The following BPIFB4 variants were observed in gnomAD, a reference collection of about 807,000 sequenced individuals.
The protein encoded by BPIFB4 is BPI fold-containing family B member 4.
A neutral mutation model predicts 69.2 loss-of-function variants in BPIFB4; 62 were observed. The observed-to-expected ratio is 0.90, with a 90% confidence interval of 0.73 to 1.11. BPIFB4 has a LOEUF of 1.11. Ranked by LOEUF, BPIFB4 falls within the 50% of genes least tolerant of loss-of-function variation. The probability of loss-of-function intolerance (pLI) is 0.00; values close to 1 mark genes in which losing one functional copy is unlikely to be tolerated. For synonymous variants in BPIFB4, 330 were observed against 332.7 expected (o/e 0.99, Z 0.09); for missense variants, 789 against 792.0 (o/e 1.00, Z 0.04).
At chr20:33,095,264 A>G in intron 12 of BPIFB4, 111 bp downstream of exon 12, 1 of 1,191,748 alleles carries the variant, frequency 8.4e-7, no homozygotes, top group Non-Finnish European at 1.2e-6. Flanking sequence ...TCTCCCCCGA[A>G]CCCCTGCTTG....
At chr20:33,107,435 CAAACAAAACAAACAAACAAA>C (rs551586534) in intron 16 of BPIFB4, among the ~76,000 whole-genome samples, 9 of 151,856 alleles carry the variant, frequency 5.9e-5, no homozygotes, top group East Asian at 1.9e-4. Context: ...TTTACTAAAA[CAAACAAAACAAACAAACAAA>C]AAACAAAACA....
At chr20:33,101,630 T>G (rs951832019) in intron 14 of BPIFB4, among the ~76,000 whole-genome samples, 2 of 152,190 alleles carry the variant, frequency 1.3e-5, no homozygotes, top group Non-Finnish European at 2.9e-5. Context: ...ACTGCAGCCT[T>G]GACCTCCCCA....
At position 33,083,650 on chromosome 20, in the gene BPIFB4, G is replaced by A; in HGVS notation, c.453G>A (p.Glu151=). The A allele has an allele frequency of 6.2e-7, 1 of 1,614,130 alleles. No individual in the cohort carries two copies. The highest frequency in any genetic ancestry group is 8.5e-7 in the Non-Finnish European group (1 of 1,180,014). Residue 151 remains glutamate, a synonymous_variant, in exon 5 of 18, where the codon GAG becomes GAA. Coordinates refer to ENST00000375483, the MANE Select transcript of BPIFB4 (RefSeq NM_182519.3). ...CTGTGGGCAGGCTTCACCGGCGAGA[G>A]CTGCAGCCTGGAGAAATCCCACCTG... ...AAPVGRLHRR[E]LQPGEIPPGV...
chr20:33,100,329 C>T (rs539848041), intron 13 of BPIFB4, 97 bp from the exon 14 acceptor site: 22 of 1,050,462 alleles, frequency 2.1e-5, no homozygotes, highest in African/African-American at 1.3e-4. Context: ...TCAGGGTTAA[C>T]GAAGCCCTAG....
chr20:33,103,177 T>G (rs1981953797), intron 15 of BPIFB4, among the ~76,000 whole-genome samples, 163 bp downstream of exon 15: 1 of 152,166 alleles, frequency 6.6e-6, no homozygotes, highest in Admixed American at 6.5e-5. Context: ...GATGGACAGA[T>G]GTAGAAACTG....
rs762151160 is a variant in BPIFB4 at position 33,086,127 on chromosome 20, A to T, written c.889A>T (p.Thr297Ser). Residue 297 changes from threonine (T) to serine (S), a missense_variant, in exon 7 of 18, where the codon ACC becomes TCC. Thr to Ser is a moderately conservative substitution (Grantham distance 58). Around this residue, in one of 3 missense-constraint regions of BPIFB4, gnomAD observed 611 missense variants for 575.4 expected, o/e 1.06. Coordinates refer to ENST00000375483, the MANE Select transcript of BPIFB4 (RefSeq NM_182519.3). ...YPRLVIERCD[T>S]LLGGIKVKLL... ...TCGGCTGGTCATTGAGCGATGTGAC[A>T]CCCTCCTAGGGGGCATCAAAGTCAA... 6.2e-7 allele frequency: 1 copy of T among 1,612,942 alleles called. No individual in the cohort carries two copies. Among genetic ancestry groups the T allele is most frequent in the Admixed American group, 1.7e-5 (1 of 59,984 alleles).
chr20:33,080,884 G>C (rs1004369012), intron 2 of BPIFB4, among the ~76,000 whole-genome samples: 1 of 152,168 alleles, frequency 6.6e-6, no homozygotes, highest in East Asian at 1.9e-4. Flanking sequence ...AAGATGGATG[G>C]ATGGTGGGAT....
At chr20:33,106,667 A>G (rs1982066087) in intron 16 of BPIFB4, among the ~76,000 whole-genome samples, 1 of 152,092 alleles carries the variant, frequency 6.6e-6, no homozygotes. Flanking sequence ...GGGAACTCAC[A>G]ATGTGGTGGG....
intron 9 of BPIFB4, 114 bp from the exon 10 acceptor site, chr20:33,090,594 G>C (rs1490253876): frequency 6.6e-7 from 1 of 1,503,910 alleles, no homozygotes; most frequent in East Asian, 2.3e-5. Context: ...TCTTTTCATG[G>C]TGTCTGGAGC....
intron 6 of BPIFB4, among the ~76,000 whole-genome samples, chr20:33,085,501 G>A (rs1005467383): frequency 2.0e-5 from 3 of 152,190 alleles, no homozygotes; most frequent in African/African-American, 7.2e-5. Flanking sequence ...TCAGGTGACA[G>A]CTTGGGTTCA....
chr20:33,081,449 G>A, intron 2 of BPIFB4, 63 bp from the exon 3 acceptor site: 1 of 1,532,752 alleles, frequency 6.5e-7, no homozygotes, highest in Non-Finnish European at 8.8e-7. Context: ...GCTGCCTAGT[G>A]CTACCTGCTG....
At chr20:33,084,866 T>C (rs1292793121) in intron 5 of BPIFB4, 26 bp from the exon 6 acceptor site, 2 of 1,600,810 alleles carry the variant, frequency 1.2e-6, no homozygotes, top group Non-Finnish European at 1.7e-6. Context: ...GTGGCCGGCC[T>C]TCTCACCACT....
At chr20:33,094,661 C>G (rs890309755) in intron 11 of BPIFB4, among the ~76,000 whole-genome samples, 2 of 152,126 alleles carry the variant, frequency 1.3e-5, no homozygotes, top group African/African-American at 4.8e-5. Context: ...CATGTGCCAT[C>G]ATGCCCGGCT....
At chr20:33,107,858 T>C in intron 17 of BPIFB4, 38 bp downstream of exon 17, 5 of 1,555,242 alleles carry the variant, frequency 3.2e-6, no homozygotes, top group Non-Finnish European at 4.4e-6. Flanking sequence ...TTTTCCTCCC[T>C]GCCCTTTGCT....
rs377059480 is a variant in BPIFB4, at chr20:33,083,609, C to T, written c.412C>T (p.Arg138Ter). The change falls in exon 5 of 18, where the codon CGA becomes TGA. Residue 138 changes from arginine to a stop codon, truncating the protein, a stop_gained. Coordinates refer to ENST00000375483, the MANE Select transcript of BPIFB4 (RefSeq NM_182519.3). LOFTEE classifies it high-confidence loss of function. ...NAYGGHRGLG[R>*]YRAAPVGRLH... is the part of the protein sequence containing the mutation. ...ATATGGAGGCCACAGGGGCCTCGGG[C>T]GATACAGGGCAGCACCTGTGGGCAG... 1.4e-5 allele frequency: 22 copies of T among 1,613,854 alleles called. No individual in the cohort carries two copies. The highest frequency in any genetic ancestry group is 8.9e-5 in the East Asian group (4 of 44,880).
chr20:33,082,533 C>T (rs564330284), intron 3 of BPIFB4, among the ~76,000 whole-genome samples: 7 of 152,246 alleles, frequency 4.6e-5, no homozygotes, highest in Admixed American at 2.0e-4. Context: ...GGGGTTTCAC[C>T]ATCTTGGCCA....
intron 17 of BPIFB4, 35 bp from the exon 18 acceptor site, chr20:33,111,379 C>T (rs1321587192): frequency 1.2e-6 from 2 of 1,613,774 alleles, no homozygotes; most frequent in African/African-American, 2.7e-5. Context: ...AGAGCCACCC[C>T]ACCCATCACC....
At position 33,111,726 on chromosome 20, in the gene BPIFB4, C is replaced by A. The variant is rs1032198723; in HGVS notation, c.*289C>A. 7.2e-6 allele frequency: 3 copies of A among 417,888 alleles called. No individual in the cohort carries two copies. Among genetic ancestry groups the A allele is most frequent in the South Asian group, 5.1e-5 (1 of 19,500 alleles). 25.9% of individuals were successfully genotyped at this position (417,888 alleles called of 1,614,324 possible). Reference sequence around the variant, plus strand: ...ACAGCAGGTTGAGTATTCCCACTTTCAATAAAAGACTCCACTTTCCCGGCA... The same window carrying A: ...ACAGCAGGTTGAGTATTCCCACTTTAAATAAAAGACTCCACTTTCCCGGCA... On this transcript the variant is annotated 3_prime_UTR_variant, in exon 18 of 18. Coordinates refer to ENST00000375483, the MANE Select transcript of BPIFB4 (RefSeq NM_182519.3).
At chr20:33,086,990 A>G (rs1981449923) in intron 7 of BPIFB4, among the ~76,000 whole-genome samples, 1 of 152,034 alleles carries the variant, frequency 6.6e-6, no homozygotes, top group Non-Finnish European at 1.5e-5. Context: ...CAGTCCCCCC[A>G]GCCCTTGAAA....
Sources: allele counts gnomAD v4.1 joint callset (sites outside exome capture counted in the v4.1 genomes callset), GRCh38; gene constraint gnomAD v4.1.1; regional missense constraint gnomAD v4.1.1; transcripts MANE v1.5; gene names NCBI Gene and HGNC (gene_info 2026-07-23, HGNC 2026-07-21).